The following SLC24A2 variants were observed in gnomAD, a reference collection of about 807,000 sequenced individuals.
The protein encoded by SLC24A2 is sodium/potassium/calcium exchanger 2.
A neutral mutation model predicts 62.0 loss-of-function variants in SLC24A2; 36 were observed. That is an observed-to-expected ratio of 0.58 (90% CI 0.44 to 0.77). The LOEUF is 0.77. Among genes scored for constraint, SLC24A2 ranks in the 30% least tolerant of loss-of-function variants. The pLI is 0.00. For synonymous variants in SLC24A2, 358 were observed against 294.0 expected (o/e 1.22, Z -2.23); for missense variants, 846 against 817.9 (o/e 1.03, Z -0.42).
intron 2 of SLC24A2, among the ~76,000 whole-genome samples, chr9:19,631,767 T>A (rs191856705): frequency 4.6e-5 from 7 of 152,180 alleles, no homozygotes; most frequent in African/African-American, 1.7e-4. Flanking sequence ...CGGAAACCAT[T>A]TGACTAATAC....
chr9:20,228,866 A>G, the SLC24A2 span, among the ~76,000 whole-genome samples: 3 of 152,170 alleles, frequency 2.0e-5, no homozygotes, highest in African/African-American at 7.2e-5. Flanking sequence ...GAAGGGGCAC[A>G]GACACTGGTA....
the SLC24A2 span, among the ~76,000 whole-genome samples, chr9:20,301,108 A>G: frequency 6.6e-6 from 1 of 152,196 alleles, no homozygotes; most frequent in African/African-American, 2.4e-5. Context: ...ACAAAGGCAC[A>G]TTGCTCCCCA....
At chr9:19,834,833 G>A in the SLC24A2 span, among the ~76,000 whole-genome samples, 2 of 152,062 alleles carry the variant, frequency 1.3e-5, no homozygotes, top group Non-Finnish European at 2.9e-5. Context: ...GAGAAAGGTC[G>A]GGTTACCCAC....
chr9:20,229,592 A>C, the SLC24A2 span, among the ~76,000 whole-genome samples: 2 of 152,044 alleles, frequency 1.3e-5, no homozygotes, highest in African/African-American at 2.4e-5. Context: ...CAGTCCATAC[A>C]TTTGTCAACT....
At chr9:20,118,455 C>G in the SLC24A2 span, among the ~76,000 whole-genome samples, 1 of 152,166 alleles carries the variant, frequency 6.6e-6, no homozygotes, top group Admixed American at 6.6e-5. Flanking sequence ...GGGCCCCTGA[C>G]TGATGCTTGA....
rs1482011315 is a variant in SLC24A2, at chr9:19,676,043, T to TA, written c.931-53745_931-53744insT. 5.9e-5 allele frequency among the ~76,000 whole-genome samples: 9 copies of TA among 152,310 alleles called. No individual in the cohort carries two copies. The South Asian group carries it at 8.3e-4, about 14-fold the overall frequency. ...CCTGGGGACCAAGAGCCCATAGGGC[T>TA]CTTCCCACTGCTACTTCTACCCCTG... On this transcript the variant is annotated intron_variant, in intron 2 of 10. Coordinates refer to ENST00000341998, the MANE Select transcript of SLC24A2 (RefSeq NM_020344.4).
the SLC24A2 span, among the ~76,000 whole-genome samples, chr9:19,958,541 G>T: frequency 1.3e-5 from 2 of 152,188 alleles, no homozygotes; most frequent in South Asian, 4.2e-4. Context: ...GGTGCAGATC[G>T]GCGAGCACGT....
intron 2 of SLC24A2, among the ~76,000 whole-genome samples, chr9:19,749,238 G>T (rs895229065): frequency 6.6e-6 from 1 of 151,904 alleles, no homozygotes; most frequent in Non-Finnish European, 1.5e-5. Flanking sequence ...CTTTTAAAAT[G>T]AGATAAAAGA....
At chr9:20,143,537 G>A in the SLC24A2 span, among the ~76,000 whole-genome samples, 4 of 152,252 alleles carry the variant, frequency 2.6e-5, no homozygotes, top group East Asian at 7.7e-4. Flanking sequence ...AAAACTATAA[G>A]CTTCCATTGG....
chr9:19,602,058 G>C (rs1448405935), intron 4 of SLC24A2, among the ~76,000 whole-genome samples: 1 of 152,166 alleles, frequency 6.6e-6, no homozygotes, highest in Non-Finnish European at 1.5e-5. Flanking sequence ...GCAGAACAAG[G>C]AGATCTTGTA....
At chr9:19,657,053 T>C (rs1455751185) in intron 2 of SLC24A2, among the ~76,000 whole-genome samples, 2 of 152,192 alleles carry the variant, frequency 1.3e-5, no homozygotes, top group East Asian at 3.9e-4. Context: ...ACTGCCCCCA[T>C]CTCTGGCTTC....
the SLC24A2 span, among the ~76,000 whole-genome samples, chr9:20,233,742 G>A: frequency 2.0e-5 from 3 of 152,146 alleles, no homozygotes; most frequent in Non-Finnish European, 4.4e-5. Flanking sequence ...AGTTAATAGT[G>A]TTATGTGTGA....
In SLC24A2 at chr9:19,671,501, C is replaced by T. The variant is rs183920684; in HGVS notation, c.931-49202G>A. 2.6e-5 allele frequency among the ~76,000 whole-genome samples: 4 copies of T among 152,248 alleles called. No homozygotes were observed. The East Asian group carries it at 7.7e-4, about 29-fold the overall frequency. ...GGTATATGATCATATCATTGGCAAA[C>T]AGCAACAGTTTGACTTCCTCTTTAC... On this transcript the variant is annotated intron_variant, in intron 2 of 10. Transcript: ENST00000341998.
At chr9:20,137,945 T>C in the SLC24A2 span, among the ~76,000 whole-genome samples, 13 of 152,300 alleles carry the variant, frequency 8.5e-5, no homozygotes, top group African/African-American at 2.4e-4. Flanking sequence ...TCTGCCAAAA[T>C]GAGTACTAAG....
chr9:20,163,491 G>C, the SLC24A2 span, among the ~76,000 whole-genome samples: 24 of 151,828 alleles, frequency 1.6e-4, no homozygotes, highest in Middle Eastern at 3.2e-3. Context: ...AGGATACAAA[G>C]AAATGGAAGA....
the SLC24A2 span, among the ~76,000 whole-genome samples, chr9:20,096,038 G>A: frequency 7.0e-4 from 106 of 152,204 alleles, 3 homozygotes; most frequent in South Asian, 0.011. Flanking sequence ...AAGATGAGAT[G>A]TAGGTGGGAA....
chr9:20,136,148 G>C, the SLC24A2 span, among the ~76,000 whole-genome samples: 1 of 152,148 alleles, frequency 6.6e-6, no homozygotes, highest in Non-Finnish European at 1.5e-5. Flanking sequence ...AATAACGCTG[G>C]TTAGTTACAG....
At chr9:19,592,585 T>C (rs1350724700) in intron 5 of SLC24A2, among the ~76,000 whole-genome samples, 1 of 152,106 alleles carries the variant, frequency 6.6e-6, no homozygotes, top group Non-Finnish European at 1.5e-5. Context: ...ACATTTACCT[T>C]TGAAGAGCAA....
At chr9:20,202,050 GGTGTGTGTGTGTGTGTGTGTGT>G in the SLC24A2 span, among the ~76,000 whole-genome samples, 7 of 141,680 alleles carry the variant, frequency 4.9e-5, no homozygotes, top group African/African-American at 1.3e-4. Flanking sequence ...CCCATTTCAT[GGTGTGTGTGTGTGTGTGTGTGT>G]GTGTGTGTGT....
Sources: gnomAD v4.1 joint callset for allele counts (sites outside exome capture counted in the v4.1 genomes callset) on GRCh38, gnomAD v4.1.1 for gene constraint, MANE v1.5 for transcripts, NCBI Gene and HGNC (gene_info 2026-07-23, HGNC 2026-07-21) for gene names.